RBFOX1: variants seen among roughly 807,000 people sequenced by gnomAD.
The protein encoded by RBFOX1 is RNA binding fox-1 homolog 1, also known as RNA binding protein fox-1 homolog 1.
A neutral mutation model predicts 57.7 loss-of-function variants in RBFOX1; 8 were observed. The observed-to-expected ratio is 0.14, with a 90% CI of 0.08 to 0.25. The LOEUF (loss-of-function observed/expected upper bound fraction) is 0.25, where lower values mean the gene tolerates loss of function less well. Ranked by LOEUF, RBFOX1 falls within the 10% of genes least tolerant of loss-of-function variation. The probability of loss-of-function intolerance (pLI) is 1.00; values close to 1 mark genes in which losing one functional copy is unlikely to be tolerated. For synonymous variants in RBFOX1, 326 were observed against 222.4 expected, an observed-to-expected ratio of 1.47 and a Z score of -4.15; for missense variants, 611 against 548.5, an observed-to-expected ratio of 1.11 and a Z score of -1.14.
At chr16:6,506,083 C>T (rs1363425744) in intron 2 of RBFOX1, among the ~76,000 whole-genome samples, 1 of 152,176 alleles carries the variant, frequency 6.6e-6, no homozygotes, top group African/African-American at 2.4e-5. Context: ...TGCACCCTTG[C>T]ATATATCCAG....
intron 3 of RBFOX1, among the ~76,000 whole-genome samples, chr16:5,844,522 A>G (rs146270751): frequency 2.7e-4 from 41 of 152,258 alleles, no homozygotes; most frequent in African/African-American, 9.6e-4. Context: ...TTCACCTTGG[A>G]CATGTGTGTA....
intron 2 of RBFOX1, among the ~76,000 whole-genome samples, chr16:6,357,577 C>G (rs979516329): frequency 6.6e-6 from 1 of 152,056 alleles, no homozygotes; most frequent in African/African-American, 2.4e-5. Flanking sequence ...CTCTCTCTCT[C>G]TCTCGCTGTC....
chr16:7,039,873 T>C (rs1391865629), intron 3 of RBFOX1, among the ~76,000 whole-genome samples: 4 of 152,132 alleles, frequency 2.6e-5, no homozygotes, highest in African/African-American at 9.7e-5. Flanking sequence ...TATTTTCTGT[T>C]TGTACTTTTA....
chr16:6,535,804 T>G (rs1184217504), intron 2 of RBFOX1, among the ~76,000 whole-genome samples: 1 of 152,230 alleles, frequency 6.6e-6, no homozygotes, highest in Non-Finnish European at 1.5e-5. Context: ...TGCCTATTTT[T>G]ATATGTTACA....
At chr16:5,756,721 A>G (rs943458878) in intron 3 of RBFOX1, among the ~76,000 whole-genome samples, 1 of 152,148 alleles carries the variant, frequency 6.6e-6, no homozygotes, top group Non-Finnish European at 1.5e-5. Flanking sequence ...AAAGGCTTAT[A>G]CCTAATTCTT....
At chr16:6,744,749 G>A (rs1268369176) in intron 3 of RBFOX1, among the ~76,000 whole-genome samples, 2 of 151,972 alleles carry the variant, frequency 1.3e-5, no homozygotes, top group African/African-American at 4.8e-5. Flanking sequence ...GTGAAAAATG[G>A]TCTTAAATCA....
intron 2 of RBFOX1, among the ~76,000 whole-genome samples, chr16:6,447,110 G>A (rs150261857): frequency 7.4e-4 from 112 of 152,312 alleles, no homozygotes; most frequent in African/African-American, 2.6e-3. Flanking sequence ...ATTGCGAACT[G>A]TTAAAATTCA....
At position 5,807,210 on chromosome 16, in the gene RBFOX1, C is replaced by T. The variant is rs147773982; in HGVS notation, c.319-60093C>T. Reference sequence around the variant, plus strand: ...ATGATGGAACCTACCTCCCTATTGTCCTGGGCAGTAAGATAGTTGTGGCCA... The same window carrying T: ...ATGATGGAACCTACCTCCCTATTGTTCTGGGCAGTAAGATAGTTGTGGCCA... On this transcript the variant is annotated intron_variant, in intron 3 of 19. Coordinates refer to the RBFOX1 transcript ENST00000641259. 2.0e-5 allele frequency among the ~76,000 whole-genome samples: 3 copies of T among 152,310 alleles called. No homozygotes were observed. In the East Asian group the frequency reaches 5.8e-4, roughly 29 times the overall value.
At chr16:6,365,500 G>T (rs147530436) in intron 2 of RBFOX1, among the ~76,000 whole-genome samples, 226 of 152,264 alleles carry the variant, frequency 1.5e-3, no homozygotes, top group Non-Finnish European at 2.6e-3. Context: ...GGATACCTTG[G>T]ATACATACAT....
At chr16:6,646,761 A>C (rs2154078916) in intron 2 of RBFOX1, among the ~76,000 whole-genome samples, 1 of 152,202 alleles carries the variant, frequency 6.6e-6, no homozygotes, top group South Asian at 2.1e-4. Context: ...ATATTGAGTT[A>C]ATCTCCCGTT....
At chr16:6,964,611 C>G (rs965220877) in intron 3 of RBFOX1, among the ~76,000 whole-genome samples, 2 of 152,070 alleles carry the variant, frequency 1.3e-5, no homozygotes, top group Non-Finnish European at 1.5e-5. Flanking sequence ...CCTAATACTC[C>G]TCTAAAAAAT....
chr16:5,515,060 C>G (rs1184547544), intron 2 of RBFOX1, among the ~76,000 whole-genome samples: 5 of 152,156 alleles, frequency 3.3e-5, no homozygotes, highest in African/African-American at 7.2e-5. Flanking sequence ...ACAACCAACT[C>G]TCTAATGAAT....
At chr16:6,143,496 G>A (rs76899163) in intron 1 of RBFOX1, among the ~76,000 whole-genome samples, 4 of 152,146 alleles carry the variant, frequency 2.6e-5, no homozygotes, top group African/African-American at 9.7e-5. Context: ...GGAGGAAAAT[G>A]TTTCTATAGA....
At chr16:5,937,741 C>A (rs1188044414) in intron 4 of RBFOX1, among the ~76,000 whole-genome samples, 1 of 148,364 alleles carries the variant, frequency 6.7e-6, no homozygotes, top group East Asian at 2.0e-4. Flanking sequence ...CTCCATATAA[C>A]TATAAATATG....
At chr16:6,778,082 T>C (rs1423858948) in intron 3 of RBFOX1, among the ~76,000 whole-genome samples, 1 of 152,094 alleles carries the variant, frequency 6.6e-6, no homozygotes, top group Non-Finnish European at 1.5e-5. Context: ...AACAAATAGA[T>C]TGAAAGTGGG....
At position 7,494,642 on chromosome 16, in the gene RBFOX1, T is replaced by C. The variant is rs546278042; in HGVS notation, c.28-23505T>C. Among the ~76,000 whole-genome samples, 5 of 152,240 alleles carry C rather than the reference T, an allele frequency of 3.3e-5. No individual in the cohort carries two copies. In the South Asian group the frequency reaches 6.2e-4, roughly 19 times the overall value. Reference sequence around the variant, plus strand: ...GGGTATGCAGTTTTTATCTCTCTTATGACAGAGAGGAGCCAACACTCAAAA... The same window carrying C: ...GGGTATGCAGTTTTTATCTCTCTTACGACAGAGAGGAGCCAACACTCAAAA... On this transcript the variant is annotated intron_variant, in intron 4 of 15. Transcript: ENST00000550418.
chr16:6,357,363 A>G lies in RBFOX1; in HGVS notation c.-64+40306A>G, dbSNP rs553087579. ...GGCTAATTCAGCTCAGAGTTTGGGC[A>G]GAAATCCTATGCTTCTCCCCATTCA... On this transcript the variant is annotated intron_variant, in intron 2 of 15. Coordinates refer to ENST00000550418, the MANE Select transcript of RBFOX1 (RefSeq NM_018723.4). Among the ~76,000 whole-genome samples, 13 of 152,204 alleles carry G rather than the reference A, an allele frequency of 8.5e-5. No individual in the cohort carries two copies. The South Asian group carries it at 2.5e-3, about 29-fold the overall frequency.
At chr16:7,085,306 T>C (rs925680270) in intron 4 of RBFOX1, among the ~76,000 whole-genome samples, 2 of 152,174 alleles carry the variant, frequency 1.3e-5, no homozygotes, top group Non-Finnish European at 2.9e-5. Context: ...CACCGGCTCA[T>C]GGTTATCACT....
In RBFOX1 at chr16:6,326,734, T is replaced by C. The variant is rs2082413329; in HGVS notation, c.-64+9677T>C. On this transcript the variant is annotated intron_variant, in intron 2 of 15. Transcript: ENST00000550418. ...ATGACCTACCTGAGTCATTACACAC[T>C]AATCATAGGAGGCAATTTCAAGCAG... Among the ~76,000 whole-genome samples, 3 of 151,350 alleles carry C rather than the reference T, an allele frequency of 2.0e-5. No homozygotes were observed. The South Asian group carries it at 6.3e-4, about 32-fold the overall frequency.
Sources: gnomAD v4.1 joint callset for allele counts (sites outside exome capture counted in the v4.1 genomes callset) on GRCh38, gnomAD v4.1.1 for gene constraint, MANE v1.5 for transcripts, NCBI Gene and HGNC (gene_info 2026-07-23, HGNC 2026-07-21) for gene names.